The following COL20A1 variants were observed in gnomAD, a reference collection of about 807,000 sequenced individuals.
The protein encoded by COL20A1 is collagen alpha-1(XX) chain.
COL20A1 carries 164 observed loss-of-function variants against 152.9 expected under a neutral mutation model. The ratio of observed to expected loss-of-function variants is 1.07; its 90% confidence interval spans 0.94 to 1.22. The LOEUF is 1.22. Among genes scored for constraint, COL20A1 ranks in the 50% most tolerant of loss-of-function variants. COL20A1 has a pLI of 0.00. For synonymous variants in COL20A1, 864 were observed against 756.0 expected (o/e 1.14, Z -2.34); for missense variants, 1,873 against 1,744.8 (o/e 1.07, Z -1.31).
At position 63,319,487 on chromosome 20, in the gene COL20A1, C is replaced by G. The variant is rs756130728; in HGVS notation, c.2807C>G (p.Ala936Gly). 3 of 1,568,434 alleles carry G rather than the reference C, an allele frequency of 1.9e-6. No homozygotes were observed. Among genetic ancestry groups the G allele is most frequent in the African/African-American group, 1.4e-5 (1 of 73,526 alleles). The stretch of plus-strand genomic sequence containing the variant: ...ACCTGCTCCACCCCTTCCCTGGCAG[C>G]CGGGAAGAAGTCCCTGACCTACTTC... ...FQPLLGVLLDAGKKSLTYFHR... is the reference protein window; with the variant it reads ...FQPLLGVLLDGGKKSLTYFHR... The change falls in exon 23 of 36, where the codon GCC becomes GGC. Residue 936 changes from alanine to glycine, a missense_variant and splice_region_variant. Transcript: ENST00000358894. The surrounding 1 kb of genome is among the most constrained non-coding windows in gnomAD (Gnocchi z 4.4).
At chr20:63,294,966 C>A in intron 1 of COL20A1, 132 bp from the exon 2 acceptor site, 1 of 620,806 alleles carries the variant, frequency 1.6e-6, no homozygotes, top group Non-Finnish European at 2.9e-6. Context: ...GGTCCTCACA[C>A]ATGTGAGGGG....
At position 63,319,972 on chromosome 20, in the gene COL20A1, GC is replaced by G; in HGVS notation, c.2917-65del. The G allele has an allele frequency of 1.5e-6, 2 of 1,357,320 alleles. No homozygotes were observed. Among genetic ancestry groups the G allele is most frequent in the Non-Finnish European group, 1.9e-6 (2 of 1,039,006 alleles). The allele number at this position is 1,357,320 out of a possible 1,614,324, so 84.1% of individuals were successfully genotyped here. The stretch of plus-strand genomic sequence containing the variant: ...GGTGTTACTCCCCAGCCCTGGCCTG[GC>G]CTTGGGGGCTCAGGTGGGCACCGGC... On this transcript the variant is annotated intron_variant, in intron 23 of 35. Transcript: ENST00000358894. This position sits in a 1 kb window ranked among gnomAD's most constrained non-coding sequence, Gnocchi z 4.4.
chr20:63,311,423 C>G lies in COL20A1; in HGVS notation c.1423C>G (p.Leu475Val). The change falls in exon 12 of 36, where the codon CTG becomes GTG. Residue 475 changes from leucine (L) to valine (V), a missense_variant. Leu to Val is a conservative substitution (Grantham distance 32). Coordinates refer to ENST00000358894, the MANE Select transcript of COL20A1 (RefSeq NM_020882.4). The surrounding 1 kb of genome is among the most constrained non-coding windows in gnomAD (Gnocchi z 4.4). Reference protein sequence around the residue: ...APLPPPRALTLAAVTPRTVHL... With the variant: ...APLPPPRALTVAAVTPRTVHL... ...TCTGCCTCCGCCCCGGGCGCTGACC[C>G]TGGCCGCAGTGACGCCCAGAACCGT... 6.3e-7 allele frequency: 1 copy of G among 1,578,660 alleles called. No individual in the cohort carries two copies. Among genetic ancestry groups the G allele is most frequent in the Non-Finnish European group, 8.6e-7 (1 of 1,162,914 alleles).
At chr20:63,309,550 A>C (rs1263622217) in intron 9 of COL20A1, 53 bp downstream of exon 9, 1 of 1,435,386 alleles carries the variant, frequency 7.0e-7, no homozygotes, top group Non-Finnish European at 9.2e-7. Context: ...TGCTTTGGGC[A>C]AAGGGTTGGG....
In COL20A1 at chr20:63,304,074, T is replaced by TG. The variant is rs572246852; in HGVS notation, c.194-1340dup. On this transcript the variant is annotated intron_variant, in intron 3 of 35. Transcript: ENST00000358894. ...CTTCCTCCCTCCCAGTGTGCAGGTG[T>TG]GGGCTCCTCCCTCCTCTTCTCCCTC... 7.3e-4 allele frequency among the ~76,000 whole-genome samples: 101 copies of TG among 138,896 alleles called. 3 individuals carry two copies. Among genetic ancestry groups the TG allele is most frequent in the African/African-American group, 2.6e-3 (95 of 36,192 alleles). The allele number at this position is 138,896 out of a possible 152,430, so 91.1% of individuals were successfully genotyped here.
chr20:63,327,921 C>T lies in COL20A1; in HGVS notation c.3529-31C>T, dbSNP rs369924156. The stretch of plus-strand genomic sequence containing the variant: ...CACGTGTGGTCTCAGGCCATCTCTG[C>T]TGACTTCTTTTCTCTTCCCCTCCTC... On this transcript the variant is annotated intron_variant, in intron 31 of 35. Transcript: ENST00000358894. 325 of 1,577,238 alleles carry T rather than the reference C, an allele frequency of 2.1e-4. 4 individuals are homozygous for T. In the South Asian group the frequency reaches 2.9e-3, roughly 14 times the overall value.
chr20:63,311,693 G>A lies in COL20A1; in HGVS notation c.1608G>A (p.Val536=), dbSNP rs1415046585. Residue 536 remains valine (V), a synonymous_variant, in exon 13 of 36, where the codon GTG becomes GTA. Coordinates refer to ENST00000358894, the MANE Select transcript of COL20A1 (RefSeq NM_020882.4). This position sits in a 1 kb window ranked among gnomAD's most constrained non-coding sequence, Gnocchi z 4.4. ...LEPGRDYEVS[V]QSLRGPEGSE... is the part of the protein sequence containing the mutation. ...CTGGCAGGGACTATGAGGTCTCGGTGCAGAGCCTGCGAGGCCCTGAGGGCA... is the reference window on the plus strand; with the variant it reads ...CTGGCAGGGACTATGAGGTCTCGGTACAGAGCCTGCGAGGCCCTGAGGGCA... 1 of 1,606,422 alleles carries A rather than the reference G, an allele frequency of 6.2e-7. No homozygotes were observed. Among genetic ancestry groups the A allele is most frequent in the Non-Finnish European group, 8.5e-7 (1 of 1,178,956 alleles).
rs1195914715 is a variant in COL20A1 at position 63,306,438 on chromosome 20, G to C, written c.496+399G>C. Among the ~76,000 whole-genome samples the C allele has an allele frequency of 1.3e-5, 2 of 152,240 alleles. No individual in the cohort carries two copies. The highest frequency in any genetic ancestry group is 4.8e-5 in the African/African-American group (2 of 41,458). ...ATGTTCCCAGGTTCACTCAAGCCAG[G>C]CCACTGGGAGCAGGTGGTCCCACTA... On this transcript the variant is annotated intron_variant, in intron 5 of 35. Transcript: ENST00000358894. The surrounding 1 kb of genome is among the most constrained non-coding windows in gnomAD (Gnocchi z 6.9).
In COL20A1 at chr20:63,309,429, C is replaced by T. The variant is rs932734996; in HGVS notation, c.1037C>T (p.Ala346Val). The T allele has an allele frequency of 6.5e-6, 10 of 1,547,492 alleles. No individual in the cohort carries two copies. The African/African-American group carries it at 9.6e-5, about 15-fold the overall frequency. The part of the protein sequence containing the change: ...HSVLDFLQLG[A>V]LAGLLSRLIC... The stretch of plus-strand genomic sequence containing the variant: ...GTGCTGGACTTCCTGCAGCTCGGCG[C>T]GCTGGCTGGCCTGCTCAGCCGTCTC... Residue 346 changes from alanine to valine, a missense_variant, in exon 9 of 36, where the codon GCG (alanine) becomes GTG (valine). Ala to Val is a moderately conservative substitution (Grantham distance 64, BLOSUM62 0). Coordinates refer to ENST00000358894, the MANE Select transcript of COL20A1 (RefSeq NM_020882.4).
At chr20:63,299,584 A>C (rs978153373) in intron 3 of COL20A1, among the ~76,000 whole-genome samples, 3 of 152,218 alleles carry the variant, frequency 2.0e-5, no homozygotes, top group African/African-American at 7.2e-5. Flanking sequence ...CCCCAAGGTC[A>C]GCCCTTAGCC....
intron 15 of COL20A1, 72 bp downstream of exon 15, chr20:63,312,621 C>G: frequency 6.7e-7 from 1 of 1,496,334 alleles, no homozygotes. Context: ...AGACAGTTCA[C>G]ATCAAGTGTT....
At position 63,311,201 on chromosome 20, in the gene COL20A1, T is replaced by G. The variant is rs2123401325; in HGVS notation, c.1394-193T>G. On this transcript the variant is annotated intron_variant, in intron 11 of 35. Coordinates refer to ENST00000358894, the MANE Select transcript of COL20A1 (RefSeq NM_020882.4). This position sits in a 1 kb window ranked among gnomAD's most constrained non-coding sequence, Gnocchi z 4.4. ...AGGCAGATGGCCTTAGACAAAACTG[T>G]GGGGTGGCCTTGTGTCCCCAGAGCT... Among the ~76,000 whole-genome samples, 1 of 152,266 alleles carries G rather than the reference T, an allele frequency of 6.6e-6. No homozygotes were observed. Among genetic ancestry groups the G allele is most frequent in the African/African-American group, 2.4e-5 (1 of 41,538 alleles).
intron 3 of COL20A1, among the ~76,000 whole-genome samples, chr20:63,298,999 C>T (rs1309448165): frequency 6.6e-6 from 1 of 152,234 alleles, no homozygotes; most frequent in African/African-American, 2.4e-5. Flanking sequence ...TTGCCTGTTT[C>T]AGAACATTCT....
chr20:63,293,256 G>A lies in COL20A1; in HGVS notation c.-30G>A, dbSNP rs2067738686. ...AGCACACCCCAGGAGAGAGGACTGG[G>A]GTCCCAGGAGTAGGAGGAGGTGGGT... On this transcript the variant is annotated 5_prime_UTR_variant, in exon 1 of 36. Coordinates refer to ENST00000358894, the MANE Select transcript of COL20A1 (RefSeq NM_020882.4). 1.3e-5 allele frequency: 2 copies of A among 152,324 alleles called. No individual in the cohort carries two copies. The highest frequency in any genetic ancestry group is 4.1e-4 in the South Asian group (2 of 4,820). The allele number at this position is 152,324 out of a possible 1,614,324, so 9.4% of individuals were successfully genotyped here. A position where few individuals can be genotyped will look rare whatever the true frequency, so the allele number is the denominator to read the frequency against.
intron 6 of COL20A1, 122 bp from the exon 7 acceptor site, chr20:63,307,849 T>G: frequency 7.7e-7 from 1 of 1,290,940 alleles, no homozygotes; most frequent in Non-Finnish European, 1.1e-6. Context: ...CCCTGGGGAC[T>G]GGCTACTGTG....
chr20:63,305,527 G>A lies in COL20A1; in HGVS notation c.304G>A (p.Gly102Arg), dbSNP rs966817772. 5.2e-5 allele frequency: 84 copies of A among 1,605,680 alleles called. No individual in the cohort carries two copies. The highest frequency in any genetic ancestry group is 7.0e-5 in the Non-Finnish European group (82 of 1,176,852). Residue 102 changes from glycine (G) to arginine (R), a missense_variant, in exon 4 of 36, where the codon GGG becomes AGG. Physicochemically the swap from Gly to Arg is moderately radical, Grantham distance 125. Transcript: ENST00000358894. The surrounding 1 kb of genome is among the most constrained non-coding windows in gnomAD (Gnocchi z 4.9). Reference protein sequence around the residue: ...TLQIFELTGSGRFLLARREFV... With the variant: ...TLQIFELTGSRRFLLARREFV... ...GCAGATCTTCGAGCTCACTGGCTCT[G>A]GGCGCTTCCTGCTAGCTCGGAGGGA...
chr20:63,320,726 GGCCCAGACGGGA>G (rs2068151029), intron 25 of COL20A1, among the ~76,000 whole-genome samples: 1 of 152,168 alleles, frequency 6.6e-6, no homozygotes, highest in Admixed American at 6.5e-5. Flanking sequence ...CCATACTGGG[GGCCCAGACGGGA>G]GAGAGGGAGG....
chr20:63,331,876 A>G lies in COL20A1; in HGVS notation c.*1160A>G, dbSNP rs2068337762. Reference sequence around the variant, plus strand: ...AGTGCAGCATTGCGTGCACCAAAGCATACCCCAAAGAGGTGAGCGCAAAAC... The same window carrying G: ...AGTGCAGCATTGCGTGCACCAAAGCGTACCCCAAAGAGGTGAGCGCAAAAC... On this transcript the variant is annotated 3_prime_UTR_variant, in exon 36 of 36. Coordinates refer to ENST00000358894, the MANE Select transcript of COL20A1 (RefSeq NM_020882.4). 1 of 152,276 alleles carries G rather than the reference A, an allele frequency of 6.6e-6. No homozygotes were observed. The highest frequency in any genetic ancestry group is 2.4e-5 in the African/African-American group (1 of 41,448). The allele number at this position is 152,276 out of a possible 1,614,324, so 9.4% of individuals were successfully genotyped here. A position where few individuals can be genotyped will look rare whatever the true frequency, so the allele number is the denominator to read the frequency against.
At position 63,313,987 on chromosome 20, in the gene COL20A1, G is replaced by T; in HGVS notation, c.2359-85G>T. 6.2e-7 allele frequency: 1 copy of T among 1,601,510 alleles called. No individual in the cohort carries two copies. On this transcript the variant is annotated intron_variant, in intron 18 of 35. Coordinates refer to ENST00000358894, the MANE Select transcript of COL20A1 (RefSeq NM_020882.4). The surrounding 1 kb of genome is among the most constrained non-coding windows in gnomAD (Gnocchi z 5.9). Reference sequence around the variant, plus strand: ...TGCGAAGGGTGGCAGCTCTGCCATGGCGGGACGCAGAGGGAGGCAGCTGAG... The same window carrying T: ...TGCGAAGGGTGGCAGCTCTGCCATGTCGGGACGCAGAGGGAGGCAGCTGAG...
Sources: allele counts gnomAD v4.1 joint callset (sites outside exome capture counted in the v4.1 genomes callset), GRCh38; gene constraint gnomAD v4.1.1; non-coding constraint Gnocchi (gnomAD v3.1); transcripts MANE v1.5; gene names NCBI Gene and HGNC (gene_info 2026-07-23, HGNC 2026-07-21).